Variants in RIMS2 observed in about 807,000 individuals in gnomAD.
RIMS2 encodes the protein regulating synaptic membrane exocytosis protein 2.
In RIMS2, 59 loss-of-function variants were observed where a neutral mutation model predicts 174.4. That is an observed-to-expected ratio of 0.34 (90% CI 0.27 to 0.42). The LOEUF is 0.42. Ranked by LOEUF, RIMS2 falls within the 10% of genes least tolerant of loss-of-function variation. The pLI, the probability that RIMS2 is intolerant of heterozygous loss-of-function variation, is 1.00. For missense variants in RIMS2, 1,620 were observed against 1,666.3 expected (o/e 0.97, Z 0.48); for synonymous variants, 606 against 572.5 (o/e 1.06, Z -0.84).
intron 2 of RIMS2, among the ~76,000 whole-genome samples, chr8:103,734,886 C>T (rs1373311858): frequency 6.6e-6 from 1 of 151,504 alleles, no homozygotes; most frequent in Non-Finnish European, 1.5e-5. Context: ...CTGGAGGGTT[C>T]TTCTCTCAGT....
chr8:103,882,874 CTACT>C (rs1725595822), intron 3 of RIMS2, among the ~76,000 whole-genome samples: 1 of 151,576 alleles, frequency 6.6e-6, no homozygotes, highest in East Asian at 1.9e-4. Context: ...ACTTTATACT[CTACT>C]TACTTTCAAA....
intron 15 of RIMS2, among the ~76,000 whole-genome samples, chr8:103,970,984 A>G (rs1284237181): frequency 6.6e-6 from 1 of 151,974 alleles, no homozygotes; most frequent in Non-Finnish European, 1.5e-5. Context: ...TGGTATGGAA[A>G]TTTTTCTCAA....
chr8:103,942,702 T>C (rs983079405), intron 13 of RIMS2, 71 bp from the exon 16 acceptor site: 11 of 1,112,660 alleles, frequency 9.9e-6, no homozygotes, highest in Non-Finnish European at 1.4e-5. Flanking sequence ...CTACAAAAGT[T>C]ATAGGACCAT....
At chr8:103,993,005 T>G (rs893648320) in intron 17 of RIMS2, among the ~76,000 whole-genome samples, 2 of 152,228 alleles carry the variant, frequency 1.3e-5, no homozygotes, top group Admixed American at 1.3e-4. Flanking sequence ...TCCCAGCTAC[T>G]CAGGAGGCTG....
intron 19 of RIMS2, among the ~76,000 whole-genome samples, chr8:104,033,884 A>G (rs953470856): frequency 1.3e-5 from 2 of 152,166 alleles, no homozygotes; most frequent in African/African-American, 2.4e-5. Context: ...ATATTTCAAC[A>G]ACATGTTTAT....
chr8:103,616,592 A>G (rs2095510041), intron 1 of RIMS2, among the ~76,000 whole-genome samples: 1 of 152,218 alleles, frequency 6.6e-6, no homozygotes, highest in Non-Finnish European at 1.5e-5. Flanking sequence ...CTCTATTTGC[A>G]GACAACATGA....
chr8:103,558,557 C>A (rs1248898984), intron 1 of RIMS2, among the ~76,000 whole-genome samples: 8 of 152,144 alleles, frequency 5.3e-5, no homozygotes, highest in African/African-American at 1.9e-4. Flanking sequence ...TTAACCATTT[C>A]ATACAAACCA....
intron 3 of RIMS2, among the ~76,000 whole-genome samples, chr8:103,807,491 G>C (rs1039059541): frequency 1.3e-5 from 2 of 152,098 alleles, no homozygotes; most frequent in African/African-American, 4.8e-5. Flanking sequence ...ACTTCTTCAA[G>C]AAATTTTGCT....
chr8:103,588,900 T>G (rs1267751720), intron 1 of RIMS2, among the ~76,000 whole-genome samples: 1 of 151,740 alleles, frequency 6.6e-6, no homozygotes, highest in African/African-American at 2.4e-5. Flanking sequence ...AAAGCAGAAA[T>G]GAACTAATGG....
At chr8:103,921,124 G>A (rs2077573598) in intron 9 of RIMS2, 1 of 168,834 alleles carries the variant, frequency 5.9e-6, no homozygotes, top group Non-Finnish European at 1.3e-5. Context: ...CAGACATACA[G>A]GGAATGTTCT....
chr8:103,970,492 G>C (rs533811821), intron 15 of RIMS2, among the ~76,000 whole-genome samples: 1 of 152,272 alleles, frequency 6.6e-6, no homozygotes, highest in East Asian at 1.9e-4. Context: ...AATATTTACT[G>C]TGGGAACCTG....
intron 19 of RIMS2, among the ~76,000 whole-genome samples, chr8:104,151,940 A>G (rs2098692441): frequency 6.6e-6 from 1 of 152,226 alleles, no homozygotes; most frequent in South Asian, 2.1e-4. Context: ...ATGAGAGGAT[A>G]GTATCACAGA....
intron 12 of RIMS2, among the ~76,000 whole-genome samples, chr8:103,933,325 A>G (rs2080433309): frequency 8.0e-6 from 1 of 125,134 alleles, no homozygotes; most frequent in Non-Finnish European, 1.7e-5. Flanking sequence ...ACACACACAC[A>G]CACACACACA....
At chr8:103,941,210 G>A (rs749416239) in intron 13 of RIMS2, among the ~76,000 whole-genome samples, 1 of 152,144 alleles carries the variant, frequency 6.6e-6, no homozygotes, top group Non-Finnish European at 1.5e-5. Flanking sequence ...CTCCAGGCAT[G>A]GTGGCTCACA....
intron 1 of RIMS2, among the ~76,000 whole-genome samples, chr8:103,566,330 A>G (rs1393248852): frequency 6.6e-6 from 1 of 152,062 alleles, no homozygotes; most frequent in Non-Finnish European, 1.5e-5. Context: ...TGACCACCCC[A>G]TATTCCTGTC....
chr8:103,731,878 T>G lies in RIMS2; in HGVS notation c.388-34349T>G, dbSNP rs971977795. 5.3e-5 allele frequency among the ~76,000 whole-genome samples: 8 copies of G among 152,226 alleles called. 1 individual carries two copies. The highest frequency in any genetic ancestry group is 3.2e-3 in the Middle Eastern group (1 of 316). ...CATGTTATCTTGAATTTCAATGAGC[T>G]TCTTCAAAACAGCTATTTTGAATTT... is the stretch of plus-strand genomic sequence containing the variant. On this transcript the variant is annotated intron_variant, in intron 2 of 23. Transcript: ENST00000504942.
chr8:104,118,183 T>C lies in RIMS2; in HGVS notation c.3334+103568T>C, dbSNP rs562613779. Among the ~76,000 whole-genome samples, 385 of 152,132 alleles carry C rather than the reference T, an allele frequency of 2.5e-3. 2 individuals are homozygous for C. The highest frequency in any genetic ancestry group is 4.2e-3 in the Non-Finnish European group (287 of 67,988). On this transcript the variant is annotated intron_variant, in intron 19 of 23. Transcript: ENST00000504942. ...TACCTGTTTATTATAATAGATAAAA[T>C]ATGAAAATTTTAGAATATTTTATAT...
chr8:103,603,641 A>G (rs1216972609), intron 1 of RIMS2, among the ~76,000 whole-genome samples: 36 of 149,330 alleles, frequency 2.4e-4, no homozygotes, highest in African/African-American at 8.4e-4. Context: ...CTATTTCTCC[A>G]CATCCTCTCC....
At chr8:103,763,378 G>A (rs565493232) in intron 2 of RIMS2, among the ~76,000 whole-genome samples, 1 of 151,856 alleles carries the variant, frequency 6.6e-6, no homozygotes, top group South Asian at 2.1e-4. Flanking sequence ...TGAGGCTACA[G>A]TGAACTGATA....
Sources: gnomAD v4.1 joint callset for allele counts (sites outside exome capture counted in the v4.1 genomes callset) on GRCh38, gnomAD v4.1.1 for gene constraint, MANE v1.5 for transcripts, NCBI Gene and HGNC (gene_info 2026-07-23, HGNC 2026-07-21) for gene names.